The following INPP5D variants were observed in gnomAD, a reference collection of about 807,000 sequenced individuals.
INPP5D encodes the protein inositol polyphosphate-5-phosphatase D.
A neutral mutation model predicts 122.9 loss-of-function variants in INPP5D; 33 were observed. The observed-to-expected ratio is 0.27, with a 90% CI of 0.20 to 0.36. The LOEUF is 0.36. Ranked by LOEUF, INPP5D falls within the 10% of genes least tolerant of loss-of-function variation. The pLI is 1.00. For synonymous variants in INPP5D, 584 were observed against 576.2 expected, an observed-to-expected ratio of 1.01 and a Z score of -0.19; for missense variants, 1,053 against 1,412.7, an observed-to-expected ratio of 0.75 and a Z score of 4.08.
chr2:233,204,763 C>A, intron 26 of INPP5D, 46 bp downstream of exon 26: 1 of 1,336,798 alleles, frequency 7.5e-7, no homozygotes. Context: ...TGTGTGTGTG[C>A]ATGCGTGAGT....
At chr2:233,155,900 G>T (rs956529529) in intron 9 of INPP5D, among the ~76,000 whole-genome samples, 12 of 152,312 alleles carry the variant, frequency 7.9e-5, no homozygotes, top group Admixed American at 1.3e-4. Flanking sequence ...GCAAAAGATA[G>T]ATTACGCCCT....
intron 2 of INPP5D, among the ~76,000 whole-genome samples, chr2:233,106,135 T>A (rs1055182820): frequency 5.3e-5 from 8 of 152,214 alleles, no homozygotes; most frequent in African/African-American, 1.9e-4. Context: ...CCCACCACAC[T>A]TGTATCTGTC....
rs1694665505 is a variant in INPP5D at position 233,177,352 on chromosome 2, T to C, written c.2071+6T>C. On this transcript the variant is annotated splice_donor_region_variant and intron_variant, in intron 18 of 26. Coordinates refer to ENST00000445964, the MANE Select transcript of INPP5D (RefSeq NM_001017915.3). This position sits in a 1 kb window ranked among gnomAD's most constrained non-coding sequence, Gnocchi z 4.2. ...CGTGGTGTGTCAGTCTTATGGTGAG[T>C]TCAAACACTGGGGAAAGCAGAACAG... The C allele has an allele frequency of 6.2e-7, 1 of 1,613,538 alleles. No homozygotes were observed. Among genetic ancestry groups the C allele is most frequent in the Admixed American group, 1.7e-5 (1 of 59,972 alleles).
chr2:233,139,466 CTGTGTGTGTGTGTGTGTGTGTGTG>C (rs1191977468), intron 5 of INPP5D, among the ~76,000 whole-genome samples: 120 of 147,554 alleles, frequency 8.1e-4, no homozygotes, highest in African/African-American at 2.7e-3. Context: ...TTGTTAACAC[CTGTGTGTGTGTGTGTGTGTGTGTG>C]TGTGTGTGTG....
intron 2 of INPP5D, among the ~76,000 whole-genome samples, chr2:233,088,187 G>C (rs1482416681): frequency 6.6e-6 from 1 of 152,140 alleles, no homozygotes; most frequent in African/African-American, 2.4e-5. Context: ...ATGTTGGCCA[G>C]GCTGGTCTCA....
chr2:233,170,607 A>G lies in INPP5D; in HGVS notation c.1900+3A>G. The G allele has an allele frequency of 6.2e-7, 1 of 1,612,614 alleles. No homozygotes were observed. The highest frequency in any genetic ancestry group is 2.2e-5 in the East Asian group (1 of 44,810). ...GCAGAAGGTCTTCCTACACTTCGGT[A>G]AGAGCAGCAACCCCGGCTGGGAGCG... is the stretch of plus-strand genomic sequence containing the variant. On this transcript the variant is annotated splice_donor_region_variant and intron_variant, in intron 16 of 26. Coordinates refer to ENST00000445964, the MANE Select transcript of INPP5D (RefSeq NM_001017915.3). The surrounding 1 kb of genome is among the most constrained non-coding windows in gnomAD (Gnocchi z 4.5).
chr2:233,147,705 T>C (rs1020960626), intron 9 of INPP5D, 111 bp downstream of exon 9: 1 of 636,812 alleles, frequency 1.6e-6, no homozygotes, highest in Non-Finnish European at 2.9e-6. Context: ...TCCGCACGCA[T>C]GCGCGCCTGC....
rs1476722399 is a variant in INPP5D, at chr2:233,170,419, CGCCCCCA to C, written c.1792-71_1792-65del. 1.9e-6 allele frequency: 3 copies of C among 1,588,598 alleles called. No homozygotes were observed. The highest frequency in any genetic ancestry group is 2.6e-6 in the Non-Finnish European group (3 of 1,166,770). On this transcript the variant is annotated intron_variant, in intron 15 of 26. Transcript: ENST00000445964. This position sits in a 1 kb window ranked among gnomAD's most constrained non-coding sequence, Gnocchi z 4.5. The stretch of plus-strand genomic sequence containing the variant: ...CTGCAGCCCGGGTCATCCAGCTGCC[CGCCCCCA>C]GCCCCGAAGCTTGTCAGGCCTGGAT...
At chr2:233,159,297 C>A (rs948576254) in intron 10 of INPP5D, among the ~76,000 whole-genome samples, 11 of 152,216 alleles carry the variant, frequency 7.2e-5, no homozygotes, top group Non-Finnish European at 1.0e-4. Context: ...CAAAACCTAT[C>A]ATCGTGAACC....
chr2:233,104,830 G>C (rs1043463469), intron 2 of INPP5D, among the ~76,000 whole-genome samples: 4 of 152,202 alleles, frequency 2.6e-5, no homozygotes, highest in Admixed American at 6.5e-5. Context: ...CCTAGGCCTT[G>C]GTACCAGTAA....
intron 2 of INPP5D, among the ~76,000 whole-genome samples, chr2:233,092,129 G>A (rs534704500): frequency 6.6e-6 from 1 of 152,332 alleles, no homozygotes; most frequent in Non-Finnish European, 1.5e-5. Context: ...TCAGCTCTGC[G>A]AGGTTGGCGC....
At chr2:233,152,812 A>G (rs1693953568) in intron 9 of INPP5D, among the ~76,000 whole-genome samples, 1 of 152,230 alleles carries the variant, frequency 6.6e-6, no homozygotes, top group African/African-American at 2.4e-5. Context: ...CCAGAGTACC[A>G]GCTCACGTTT....
intron 6 of INPP5D, among the ~76,000 whole-genome samples, chr2:233,143,600 T>C (rs1693674019): frequency 6.6e-6 from 1 of 152,226 alleles, no homozygotes; most frequent in Admixed American, 6.5e-5. Context: ...TTCAAGCCAC[T>C]TTCCTGATTG....
chr2:233,198,331 C>T lies in INPP5D; in HGVS notation c.2930C>T (p.Pro977Leu). Residue 977 changes from proline to leucine, a missense_variant, in exon 25 of 27, where the codon CCC becomes CTC. By Grantham distance (98) the Pro-to-Leu change is moderately conservative (BLOSUM62 -3). Transcript: ENST00000445964. ...QPPISPKKFL[P>L]STANRGLPPR... ...CCCATATCACCCAAGAAGTTTTTAC[C>T]CTCAACAGCAAACCGGGGTCTCCCT... 1 of 1,613,654 alleles carries T rather than the reference C, an allele frequency of 6.2e-7. No homozygotes were observed. Among genetic ancestry groups the T allele is most frequent in the Non-Finnish European group, 8.5e-7 (1 of 1,179,826 alleles).
intron 2 of INPP5D, among the ~76,000 whole-genome samples, chr2:233,083,814 A>G (rs1691755395): frequency 6.6e-6 from 1 of 152,102 alleles, no homozygotes; most frequent in African/African-American, 2.4e-5. Context: ...GCTGTCTCAA[A>G]CCTAGGGCCA....
chr2:233,191,886 G>T (rs1452508044), intron 22 of INPP5D, among the ~76,000 whole-genome samples: 1 of 152,238 alleles, frequency 6.6e-6, no homozygotes, highest in Non-Finnish European at 1.5e-5. Context: ...AGACACAAAT[G>T]AAAGCCCCAC....
At chr2:233,179,771 G>A (rs1209278144) in intron 18 of INPP5D, among the ~76,000 whole-genome samples, 7 of 152,198 alleles carry the variant, frequency 4.6e-5, no homozygotes, top group African/African-American at 1.7e-4. Context: ...GAAAAGAAAA[G>A]GGAGTGAATG....
chr2:233,204,269 C>G lies in INPP5D; in HGVS notation c.3119C>G (p.Pro1040Arg). The change falls in exon 26 of 27, where the codon CCC becomes CGC. Residue 1040 changes from proline (P) to arginine (R), a missense_variant. By Grantham distance (103) the Pro-to-Arg change is moderately radical. Around this residue, in one of 6 missense-constraint regions of INPP5D, gnomAD observed 417 missense variants for 425.8 expected, o/e 0.98. Coordinates refer to ENST00000445964, the MANE Select transcript of INPP5D (RefSeq NM_001017915.3). ...GCTCCCAGGAAGGACCAGGAATCCC[C>G]CAAAATGCCGCGGAAGGAACCCCCG... ...KPAPRKDQES[P>R]KMPRKEPPPC... The G allele has an allele frequency of 6.2e-7, 1 of 1,613,526 alleles. No homozygotes were observed. Among genetic ancestry groups the G allele is most frequent in the South Asian group, 1.1e-5 (1 of 91,088 alleles).
At chr2:233,171,304 G>A in intron 17 of INPP5D, 152 bp downstream of exon 17, 1 of 1,248,442 alleles carries the variant, frequency 8.0e-7, no homozygotes, top group Non-Finnish European at 1.1e-6. Context: ...GTGTTACAGA[G>A]TAAATGGGAA....
Sources: allele counts gnomAD v4.1 joint callset (sites outside exome capture counted in the v4.1 genomes callset), GRCh38; gene constraint gnomAD v4.1.1; regional missense constraint gnomAD v4.1.1; non-coding constraint Gnocchi (gnomAD v3.1); transcripts MANE v1.5; gene names NCBI Gene and HGNC (gene_info 2026-07-23, HGNC 2026-07-21).